The following ZMIZ1 variants were observed in gnomAD, a reference collection of about 807,000 sequenced individuals.
The protein encoded by ZMIZ1 is zinc finger MIZ-type containing 1, also known as zinc finger MIZ domain-containing protein 1.
Under a neutral mutation model 113.9 loss-of-function variants are expected in ZMIZ1, and 17 were observed. The ratio of observed to expected loss-of-function variants is 0.15; its 90% CI spans 0.10 to 0.22. ZMIZ1 has a LOEUF of 0.22. ZMIZ1 is among the 10% of genes least tolerant of loss of function. The probability of loss-of-function intolerance (pLI) is 1.00; values close to 1 mark genes in which losing one functional copy is unlikely to be tolerated. For synonymous variants in ZMIZ1, 607 were observed against 603.1 expected (o/e 1.01, Z -0.09); for missense variants, 1,059 against 1,477.8 (o/e 0.72, Z 4.65).
At chr10:79,227,800 G>A (rs1291445057) in intron 7 of ZMIZ1, among the ~76,000 whole-genome samples, 1 of 152,236 alleles carries the variant, frequency 6.6e-6, no homozygotes, top group Non-Finnish European at 1.5e-5. Flanking sequence ...GGAGATGAGT[G>A]GGACCCTGTT....
chr10:79,301,816 G>C (rs748292722), intron 17 of ZMIZ1, among the ~76,000 whole-genome samples: 9 of 152,166 alleles, frequency 5.9e-5, no homozygotes, highest in Non-Finnish European at 1.2e-4. Flanking sequence ...ACACATGATG[G>C]GGAGGCAGTG....
At chr10:79,109,400 C>G (rs1409326829) in intron 1 of ZMIZ1, among the ~76,000 whole-genome samples, 1 of 152,242 alleles carries the variant, frequency 6.6e-6, no homozygotes, top group East Asian at 1.9e-4. Context: ...CTGCCCCCGC[C>G]TGATCATTAG....
At position 79,312,135 on chromosome 10, in the gene ZMIZ1, G is replaced by A. The variant is rs187984963; in HGVS notation, c.3097-507G>A. Among the ~76,000 whole-genome samples, 865 of 152,346 alleles carry A rather than the reference G, an allele frequency of 5.7e-3. 7 individuals carry two copies. The highest frequency in any genetic ancestry group is 0.01 in the Non-Finnish European group (682 of 68,032). On this transcript the variant is annotated intron_variant, in intron 24 of 24. Transcript: ENST00000334512. ...GGTAGAGACAGTCTGCATCCCCTCC[G>A]GGGCCACAGGGAAGGATGGCTGCCA... is the stretch of plus-strand genomic sequence containing the variant.
At chr10:79,269,498 G>T (rs749035259) in intron 7 of ZMIZ1, among the ~76,000 whole-genome samples, 1 of 100,386 alleles carries the variant, frequency 1.0e-5, no homozygotes, top group Non-Finnish European at 2.2e-5. Context: ...CACTTTCTCT[G>T]TTCTCCAGCA....
intron 22 of ZMIZ1, 93 bp downstream of exon 22, chr10:79,306,437 C>T (rs1363916042): frequency 3.9e-6 from 6 of 1,537,056 alleles, no homozygotes; most frequent in Admixed American, 3.8e-5. Context: ...TGGCAGGGGT[C>T]GGGGGTGTGG....
intron 1 of ZMIZ1, among the ~76,000 whole-genome samples, chr10:79,084,871 T>A (rs1007168075): frequency 8.9e-5 from 1 of 11,204 alleles, no homozygotes; most frequent in Admixed American, 9.6e-4. Flanking sequence ...GGTGGTGGGG[T>A]GGGGGTGGGG....
chr10:79,132,627 T>C (rs1264901275), intron 2 of ZMIZ1, among the ~76,000 whole-genome samples: 1 of 152,232 alleles, frequency 6.6e-6, no homozygotes, highest in African/African-American at 2.4e-5. Context: ...TTTTGGAGAC[T>C]AGAATGTGTG....
chr10:79,136,785 A>G (rs948211292), intron 2 of ZMIZ1, among the ~76,000 whole-genome samples: 4 of 152,244 alleles, frequency 2.6e-5, no homozygotes, highest in African/African-American at 9.6e-5. Context: ...AAATATCACT[A>G]TCCATTTCAT....
chr10:79,241,910 G>A (rs1219099800), intron 7 of ZMIZ1, among the ~76,000 whole-genome samples: 1 of 152,126 alleles, frequency 6.6e-6, no homozygotes, highest in Non-Finnish European at 1.5e-5. Flanking sequence ...CAATACAGAG[G>A]AGATTTTAAA....
At chr10:79,076,698 A>T (rs992573467) in intron 1 of ZMIZ1, among the ~76,000 whole-genome samples, 40 of 152,086 alleles carry the variant, frequency 2.6e-4, no homozygotes, top group Non-Finnish European at 3.1e-4. Flanking sequence ...TCTCGGCATG[A>T]TGGTGGTGCA....
intron 3 of ZMIZ1, among the ~76,000 whole-genome samples, chr10:79,161,345 G>C (rs977464605): frequency 6.6e-6 from 1 of 152,170 alleles, no homozygotes; most frequent in Non-Finnish European, 1.5e-5. Context: ...TGTGGCTCCT[G>C]CCCACCCTCT....
intron 2 of ZMIZ1, among the ~76,000 whole-genome samples, chr10:79,138,834 A>G (rs1414760213): frequency 2.0e-5 from 3 of 152,236 alleles, no homozygotes; most frequent in African/African-American, 7.2e-5. Context: ...TAGCCTATCA[A>G]ATCAATTATT....
chr10:79,269,902 G>A (rs573584897), intron 7 of ZMIZ1, among the ~76,000 whole-genome samples: 3 of 152,282 alleles, frequency 2.0e-5, no homozygotes, highest in Admixed American at 6.5e-5. Flanking sequence ...CGTGACACCC[G>A]ACCCGATCGA....
intron 4 of ZMIZ1, among the ~76,000 whole-genome samples, chr10:79,183,917 T>C (rs538629555): frequency 6.6e-6 from 1 of 152,180 alleles, no homozygotes; most frequent in African/African-American, 2.4e-5. Context: ...CTCTGTGAAC[T>C]TGGACATACT....
At chr10:79,288,334 C>T (rs1853226196) in intron 8 of ZMIZ1, among the ~76,000 whole-genome samples, 1 of 152,216 alleles carries the variant, frequency 6.6e-6, no homozygotes, top group Non-Finnish European at 1.5e-5. Context: ...TCAGCACCTC[C>T]ATCCCCAGTT....
intron 5 of ZMIZ1, among the ~76,000 whole-genome samples, chr10:79,208,073 G>C (rs970255343): frequency 1.4e-5 from 2 of 146,068 alleles, no homozygotes; most frequent in African/African-American, 5.3e-5. Context: ...AGGTGAGGGT[G>C]GGGGTGGAGG....
chr10:79,114,483 G>GTC, intron 1 of ZMIZ1, among the ~76,000 whole-genome samples: 1 of 98,336 alleles, frequency 1.0e-5, no homozygotes, highest in African/African-American at 3.9e-5. Context: ...GTGTCTGTGT[G>GTC]TGTGTGTGTG....
chr10:79,219,912 G>A (rs1400530392), intron 7 of ZMIZ1, among the ~76,000 whole-genome samples: 15 of 152,068 alleles, frequency 9.9e-5, no homozygotes. Flanking sequence ...ATGGGCTCTC[G>A]GGATCCCAGC....
intron 22 of ZMIZ1, among the ~76,000 whole-genome samples, chr10:79,307,171 G>GC (rs1854765510): frequency 6.6e-6 from 1 of 151,920 alleles, no homozygotes; most frequent in African/African-American, 2.4e-5. Flanking sequence ...GTCCCACTCT[G>GC]CCCCCTCCTC....
Sources: allele counts gnomAD v4.1 joint callset (sites outside exome capture counted in the v4.1 genomes callset), GRCh38; gene constraint gnomAD v4.1.1; transcripts MANE v1.5; gene names NCBI Gene and HGNC (gene_info 2026-07-23, HGNC 2026-07-21).